ATG10: variants seen among roughly 807,000 people sequenced by gnomAD.
ATG10 encodes the protein autophagy related 10.
Under a neutral mutation model 32.1 loss-of-function variants are expected in ATG10, and 30 were observed. The ratio of observed to expected loss-of-function variants is 0.94; its 90% CI spans 0.70 to 1.27. The LOEUF is 1.27. Ranked by LOEUF, ATG10 falls within the 50% of genes most tolerant of loss-of-function variation. ATG10 has a pLI of 0.00. For missense variants in ATG10, 233 were observed against 262.3 expected, an observed-to-expected ratio of 0.89 and a Z score of 0.77; for synonymous variants, 87 against 91.5, an observed-to-expected ratio of 0.95 and a Z score of 0.28.
chr5:82,188,396 C>T (rs1004675234), intron 5 of ATG10, among the ~76,000 whole-genome samples: 2 of 152,052 alleles, frequency 1.3e-5, no homozygotes, highest in Admixed American at 1.3e-4. Context: ...TTTCATTGAT[C>T]CCTGGAATTA....
intron 3 of ATG10, among the ~76,000 whole-genome samples, chr5:82,108,874 G>A (rs531188798): frequency 6.9e-6 from 1 of 144,846 alleles, no homozygotes; most frequent in Admixed American, 7.4e-5. Context: ...AGCTAGGGGA[G>A]TGGGATGGGA....
rs201833059 is a variant in ATG10, at chr5:82,197,720, T to A, written c.453+19133T>A. On this transcript the variant is annotated intron_variant, in intron 5 of 7. Coordinates refer to ENST00000282185, the MANE Select transcript of ATG10 (RefSeq NM_031482.5). ...CCCATTATTTTCTTTCTTTCTTTCT[T>A]TCTATCTATCTATCTATCTATCTAT... is the stretch of plus-strand genomic sequence containing the variant. Among the ~76,000 whole-genome samples the A allele has an allele frequency of 6.3e-3, 904 of 143,906 alleles. 6 individuals carry two copies. Among genetic ancestry groups the A allele is most frequent in the African/African-American group, 0.013 (487 of 38,092 alleles). 94.4% of individuals were successfully genotyped at this position (143,906 alleles called of 152,430 possible). A position where few individuals can be genotyped will look rare whatever the true frequency, so the allele number is the denominator to read the frequency against.
intron 3 of ATG10, among the ~76,000 whole-genome samples, chr5:82,095,782 G>A (rs966034376): frequency 1.3e-5 from 2 of 152,066 alleles, no homozygotes; most frequent in African/African-American, 4.8e-5. Flanking sequence ...TGACATTGTG[G>A]CCTTCCTCAT....
intron 3 of ATG10, among the ~76,000 whole-genome samples, chr5:82,116,271 A>G (rs1765806319): frequency 6.6e-6 from 1 of 152,104 alleles, no homozygotes; most frequent in South Asian, 2.1e-4. Flanking sequence ...ATAGAATTTC[A>G]GTTATATATG....
chr5:81,985,712 T>C (rs1761244101), intron 1 of ATG10, among the ~76,000 whole-genome samples: 1 of 152,236 alleles, frequency 6.6e-6, no homozygotes, highest in South Asian at 2.1e-4. Context: ...TTAGAGAGAC[T>C]GACTTTTATC....
intron 2 of ATG10, among the ~76,000 whole-genome samples, chr5:82,025,791 C>G (rs567010606): frequency 1.3e-5 from 2 of 152,188 alleles, no homozygotes; most frequent in Non-Finnish European, 2.9e-5. Flanking sequence ...TGAAAATTCT[C>G]TGTAGTAGCA....
intron 3 of ATG10, among the ~76,000 whole-genome samples, chr5:82,077,981 T>C (rs534077536): frequency 6.6e-6 from 1 of 152,340 alleles, no homozygotes; most frequent in African/African-American, 2.4e-5. Flanking sequence ...AAGGTCTTAG[T>C]GCATTGGGAT....
chr5:82,084,857 G>T (rs1009980656), intron 3 of ATG10, among the ~76,000 whole-genome samples: 1 of 152,134 alleles, frequency 6.6e-6, no homozygotes, highest in African/African-American at 2.4e-5. Context: ...AGGAACAACG[G>T]TACCAGCCAC....
At chr5:82,180,385 A>G (rs1382542422) in intron 5 of ATG10, among the ~76,000 whole-genome samples, 4 of 152,104 alleles carry the variant, frequency 2.6e-5, no homozygotes, top group Non-Finnish European at 5.9e-5. Context: ...AACCACTTCA[A>G]CTCACAAAAA....
rs1469253226 is a variant in ATG10, at chr5:82,178,484, T to A, written c.356-6T>A. 1 of 1,584,560 alleles carries A rather than the reference T, an allele frequency of 6.3e-7. No individual in the cohort carries two copies. The highest frequency in any genetic ancestry group is 1.3e-5 in the African/African-American group (1 of 74,256). On this transcript the variant is annotated splice_polypyrimidine_tract_variant and splice_region_variant and intron_variant, in intron 4 of 7. Coordinates refer to ENST00000282185, the MANE Select transcript of ATG10 (RefSeq NM_031482.5). Reference sequence around the variant, plus strand: ...CTAACTCAGTCTTTACCATGCACTTTCACAGATGGGAGACCTTTAACTCTG... The same window carrying A: ...CTAACTCAGTCTTTACCATGCACTTACACAGATGGGAGACCTTTAACTCTG...
At chr5:82,040,864 C>CT (rs1207006713) in intron 2 of ATG10, among the ~76,000 whole-genome samples, 1 of 152,146 alleles carries the variant, frequency 6.6e-6, no homozygotes, top group Admixed American at 6.5e-5. Context: ...GCTCTATTGG[C>CT]TTTTTTGTTC....
chr5:82,078,313 ATT>A (rs1764345511), intron 3 of ATG10: 1 of 152,300 alleles, frequency 6.6e-6, no homozygotes, highest in Admixed American at 6.5e-5. Context: ...TTACTTGGGC[ATT>A]TCCTGCAAAA....
chr5:82,111,889 T>C (rs1167568053), intron 3 of ATG10, among the ~76,000 whole-genome samples: 2 of 152,036 alleles, frequency 1.3e-5, no homozygotes, highest in African/African-American at 4.8e-5. Flanking sequence ...AGATGATGGA[T>C]ATTTGTGTTC....
intron 5 of ATG10, among the ~76,000 whole-genome samples, chr5:82,189,709 C>T (rs1283955943): frequency 3.3e-5 from 5 of 152,098 alleles, no homozygotes; most frequent in East Asian, 1.9e-4. Context: ...CTGTAACCTC[C>T]GCCTTCTGGG....
chr5:82,060,580 C>T (rs1001555479), intron 3 of ATG10, among the ~76,000 whole-genome samples: 12 of 152,218 alleles, frequency 7.9e-5, no homozygotes, highest in African/African-American at 2.2e-4. Context: ...AGGTTCATGT[C>T]GGCCGGGTGC....
At chr5:82,042,665 C>T (rs1348621379) in intron 2 of ATG10, among the ~76,000 whole-genome samples, 2 of 152,164 alleles carry the variant, frequency 1.3e-5, no homozygotes. Flanking sequence ...TAAATGCTCC[C>T]ATTCTAAATG....
chr5:82,171,435 A>C (rs958825671), intron 4 of ATG10, among the ~76,000 whole-genome samples: 1 of 152,172 alleles, frequency 6.6e-6, no homozygotes, highest in African/African-American at 2.4e-5. Flanking sequence ...TAAACCATCT[A>C]TTTGTGCTAT....
chr5:82,100,796 G>A (rs62365386), intron 3 of ATG10, among the ~76,000 whole-genome samples: 1 of 71,854 alleles, frequency 1.4e-5, no homozygotes, highest in East Asian at 2.5e-4. Context: ...TTTTTTTTTG[G>A]CTGCCTGTAA....
intron 5 of ATG10, among the ~76,000 whole-genome samples, chr5:82,203,505 G>T (rs906061615): frequency 6.6e-6 from 1 of 152,080 alleles, no homozygotes; most frequent in Admixed American, 6.6e-5. Flanking sequence ...AGTTTTAATC[G>T]GTGGGAGAGA....
Sources: allele counts gnomAD v4.1 joint callset (sites outside exome capture counted in the v4.1 genomes callset), GRCh38; gene constraint gnomAD v4.1.1; transcripts MANE v1.5; gene names NCBI Gene and HGNC (gene_info 2026-07-23, HGNC 2026-07-21).